The following LINGO2 variants were observed in gnomAD, a reference collection of about 807,000 sequenced individuals.
The protein encoded by LINGO2 is leucine-rich repeat and immunoglobulin-like domain-containing nogo receptor-interacting protein 2.
In LINGO2, 14 loss-of-function variants were observed where a neutral mutation model predicts 30.6. The observed-to-expected ratio is 0.46, with a 90% CI of 0.30 to 0.72. The LOEUF (loss-of-function observed/expected upper bound fraction) is 0.72. Ranked by LOEUF, LINGO2 falls within the 30% of genes least tolerant of loss-of-function variation. The probability of loss-of-function intolerance (pLI) is 0.07; values close to 1 mark genes in which losing one functional copy is unlikely to be tolerated. For missense variants in LINGO2, 729 were observed against 751.7 expected, an observed-to-expected ratio of 0.97 and a Z score of 0.35; for synonymous variants, 317 against 288.5, an observed-to-expected ratio of 1.10 and a Z score of -1.00.
At position 28,456,653 on chromosome 9, in the gene LINGO2, A is replaced by C. The variant is rs78891655; in HGVS notation, c.-279+19287T>G. ...AACCAGTGCCATCTTTCTCTATCCC[A>C]GACTATGACCTTGAATGCCAGATGG... is the stretch of plus-strand genomic sequence containing the variant. On this transcript the variant is annotated intron_variant, in intron 2 of 5. Transcript: ENST00000379992. 3.9e-5 allele frequency among the ~76,000 whole-genome samples: 6 copies of C among 152,270 alleles called. No homozygotes were observed. The South Asian group carries it at 1.2e-3, about 32-fold the overall frequency.
intron 1 of LINGO2, among the ~76,000 whole-genome samples, chr9:28,512,594 T>G (rs1368320151): frequency 1.0e-3 from 1 of 980 alleles, no homozygotes; most frequent in East Asian, 0.062. Context: ...TATATGTGTG[T>G]ATATATATAT....
At chr9:28,077,688 T>C (rs1220145652) in intron 4 of LINGO2, among the ~76,000 whole-genome samples, 2 of 148,120 alleles carry the variant, frequency 1.4e-5, no homozygotes, top group African/African-American at 5.3e-5. Context: ...CTAAATTGAG[T>C]AGAAAAGATG....
intron 5 of LINGO2, among the ~76,000 whole-genome samples, chr9:28,000,499 A>G (rs1045424902): frequency 2.6e-5 from 4 of 152,260 alleles, no homozygotes; most frequent in Non-Finnish European, 4.4e-5. Flanking sequence ...TAATAAAGAT[A>G]CTGTGGAAAA....
chr9:28,024,709 T>C (rs1259546874), intron 4 of LINGO2, among the ~76,000 whole-genome samples: 1 of 152,102 alleles, frequency 6.6e-6, no homozygotes, highest in Non-Finnish European at 1.5e-5. Flanking sequence ...TCCAAAGTCA[T>C]TGCATCTTCA....
At chr9:27,987,886 G>A (rs991862632) in intron 5 of LINGO2, among the ~76,000 whole-genome samples, 12 of 151,916 alleles carry the variant, frequency 7.9e-5, no homozygotes, top group Non-Finnish European at 1.6e-4. Flanking sequence ...TAAGTTCTAG[G>A]GTACATGTGC....
chr9:28,175,540 T>G (rs1828727252), intron 4 of LINGO2, among the ~76,000 whole-genome samples: 1 of 152,154 alleles, frequency 6.6e-6, no homozygotes, highest in Admixed American at 6.5e-5. Context: ...TCAGGAGTGA[T>G]TTATCACTAT....
intron 1 of LINGO2, among the ~76,000 whole-genome samples, chr9:28,514,467 A>C (rs1048975275): frequency 2.0e-5 from 3 of 152,246 alleles, no homozygotes; most frequent in African/African-American, 7.2e-5. Flanking sequence ...AAGAATAATA[A>C]GAAAGGGAAA....
At chr9:28,019,770 T>C (rs1823023777) in intron 4 of LINGO2, among the ~76,000 whole-genome samples, 1 of 152,166 alleles carries the variant, frequency 6.6e-6, no homozygotes, top group Non-Finnish European at 1.5e-5. Context: ...GTGTATATAT[T>C]ATATTGCTTA....
intron 4 of LINGO2, among the ~76,000 whole-genome samples, chr9:28,215,092 C>T (rs1820718767): frequency 6.6e-6 from 1 of 151,540 alleles, no homozygotes. Flanking sequence ...GCAGGGATAT[C>T]CTGAGAATGG....
intron 5 of LINGO2, among the ~76,000 whole-genome samples, chr9:28,005,840 A>G (rs1352391475): frequency 2.0e-5 from 3 of 152,100 alleles, no homozygotes; most frequent in Non-Finnish European, 2.9e-5. Flanking sequence ...GAAAGCATCC[A>G]AAAATGCATA....
intron 1 of LINGO2, among the ~76,000 whole-genome samples, chr9:28,518,190 A>G (rs1820699576): frequency 6.6e-6 from 1 of 152,216 alleles, no homozygotes; most frequent in Non-Finnish European, 1.5e-5. Flanking sequence ...AAATGAGAAA[A>G]TGAACCTAAG....
At chr9:29,060,471 A>T in the LINGO2 span, among the ~76,000 whole-genome samples, 1 of 152,064 alleles carries the variant, frequency 6.6e-6, no homozygotes, top group Non-Finnish European at 1.5e-5. Context: ...TAGAATTATA[A>T]CAAGACCCAG....
At chr9:28,909,411 T>A in the LINGO2 span, among the ~76,000 whole-genome samples, 1 of 152,110 alleles carries the variant, frequency 6.6e-6, no homozygotes, top group South Asian at 2.1e-4. Context: ...ATAATCAGTT[T>A]TCCCTGATTT....
At chr9:28,086,106 CA>C (rs1282595722) in intron 4 of LINGO2, among the ~76,000 whole-genome samples, 3 of 152,158 alleles carry the variant, frequency 2.0e-5, no homozygotes, top group African/African-American at 7.2e-5. Flanking sequence ...AAGGAGCTAG[CA>C]GTTAACAGTG....
the LINGO2 span, among the ~76,000 whole-genome samples, chr9:29,171,866 T>A: frequency 6.6e-6 from 1 of 151,886 alleles, no homozygotes; most frequent in South Asian, 2.1e-4. Context: ...AAAGTAAAAA[T>A]TCAGACAATG....
At chr9:28,892,639 A>T in the LINGO2 span, among the ~76,000 whole-genome samples, 607 of 152,116 alleles carry the variant, frequency 4.0e-3, 5 homozygotes, top group African/African-American at 0.013. Context: ...TCTTATTGAA[A>T]ATGATTATAC....
At chr9:29,099,566 G>GAACA in the LINGO2 span, among the ~76,000 whole-genome samples, 1 of 152,042 alleles carries the variant, frequency 6.6e-6, no homozygotes, top group African/African-American at 2.4e-5. Context: ...ATTTTAAAAT[G>GAACA]AACAAAAGGT....
the LINGO2 span, among the ~76,000 whole-genome samples, chr9:28,838,785 C>A: frequency 1.3e-5 from 2 of 152,172 alleles, no homozygotes; most frequent in Non-Finnish European, 2.9e-5. Context: ...GCCCACTTGG[C>A]GGGGCAGGCT....
the LINGO2 span, among the ~76,000 whole-genome samples, chr9:29,212,132 C>T: frequency 6.6e-6 from 1 of 152,290 alleles, no homozygotes; most frequent in East Asian, 1.9e-4. Flanking sequence ...ATCTCATCCC[C>T]GAAGTGGCTC....
Sources: gnomAD v4.1 joint callset for allele counts (sites outside exome capture counted in the v4.1 genomes callset) on GRCh38, gnomAD v4.1.1 for gene constraint, MANE v1.5 for transcripts, NCBI Gene and HGNC (gene_info 2026-07-23, HGNC 2026-07-21) for gene names.